CSMD1: variants seen among roughly 807,000 people sequenced by gnomAD.
CSMD1 encodes the protein CUB and sushi domain-containing protein 1.
In CSMD1, 213 loss-of-function variants were observed where a neutral mutation model predicts 417.5. The observed-to-expected ratio is 0.51, with a 90% CI of 0.46 to 0.57. The LOEUF (loss-of-function observed/expected upper bound fraction) is 0.57, where lower values mean the gene tolerates loss of function less well. CSMD1 is among the 20% of genes least tolerant of loss of function. The pLI, the probability that CSMD1 is intolerant of heterozygous loss-of-function variation, is 0.00. For missense variants in CSMD1, 6,923 were observed against 4,529.7 expected, an observed-to-expected ratio of 1.53 and a Z score of -15.17; for synonymous variants, 2,862 against 1,736.8, an observed-to-expected ratio of 1.65 and a Z score of -16.11.
intron 1 of CSMD1, among the ~76,000 whole-genome samples, chr8:4,680,900 A>T (rs749153584): frequency 6.7e-6 from 1 of 150,312 alleles, no homozygotes; most frequent in Non-Finnish European, 1.5e-5. Context: ...TTTCAATGTG[A>T]TATGATAAGC....
chr8:3,623,412 T>C (rs1796351767), intron 7 of CSMD1, among the ~76,000 whole-genome samples: 1 of 152,034 alleles, frequency 6.6e-6, no homozygotes, highest in African/African-American at 2.4e-5. Context: ...AGCAAGTGTC[T>C]GAAAAGAAGT....
At chr8:4,161,829 T>C (rs1472546347) in intron 3 of CSMD1, among the ~76,000 whole-genome samples, 1 of 152,232 alleles carries the variant, frequency 6.6e-6, no homozygotes, top group Non-Finnish European at 1.5e-5. Flanking sequence ...TGCTATATGA[T>C]ATGTCACTGC....
intron 1 of CSMD1, among the ~76,000 whole-genome samples, chr8:4,916,843 T>C (rs1806097843): frequency 6.6e-6 from 1 of 152,324 alleles, no homozygotes; most frequent in East Asian, 1.9e-4. Context: ...CCTGAGAATA[T>C]TTTACTTTTG....
chr8:4,737,843 A>G lies in CSMD1; in HGVS notation c.86-100285T>C, dbSNP rs1462114722. Among the ~76,000 whole-genome samples the G allele has an allele frequency of 1.3e-5, 2 of 152,324 alleles. 1 individual carries two copies. Among genetic ancestry groups the G allele is most frequent in the East Asian group, 3.9e-4 (2 of 5,168 alleles). On this transcript the variant is annotated intron_variant, in intron 1 of 69. Coordinates refer to ENST00000635120, the MANE Select transcript of CSMD1 (RefSeq NM_033225.6). The stretch of plus-strand genomic sequence containing the variant: ...GGCAGCATATGGTAGGAAAGGGAGG[A>G]GGAGTCAAATATTGCAACCCACAAC...
rs187208721 is a variant in CSMD1, at chr8:3,880,191, G to T, written c.818+117712C>A. 2.0e-5 allele frequency among the ~76,000 whole-genome samples: 3 copies of T among 152,116 alleles called. No individual in the cohort carries two copies. In the East Asian group the frequency reaches 5.8e-4, roughly 29 times the overall value. On this transcript the variant is annotated intron_variant, in intron 5 of 69. Coordinates refer to ENST00000635120, the MANE Select transcript of CSMD1 (RefSeq NM_033225.6). ...AATTGGATTCAAGAATAGCCAAGAG[G>T]AGCAGTTAGGGAAAATAATGCAATT...
chr8:4,771,245 C>G (rs546843949), intron 1 of CSMD1, among the ~76,000 whole-genome samples: 1 of 152,322 alleles, frequency 6.6e-6, no homozygotes, highest in South Asian at 2.1e-4. Context: ...ATGAGGAAGT[C>G]AGTCTACATT....
chr8:3,322,422 A>C (rs1806209734), intron 23 of CSMD1, among the ~76,000 whole-genome samples: 1 of 152,222 alleles, frequency 6.6e-6, no homozygotes, highest in South Asian at 2.1e-4. Flanking sequence ...CTAAGAGCAC[A>C]GATAAAGAAT....
intron 50 of CSMD1, among the ~76,000 whole-genome samples, chr8:3,038,847 AC>A: frequency 6.6e-6 from 1 of 152,234 alleles, no homozygotes; most frequent in Middle Eastern, 3.4e-3. Context: ...CGGATTTGGC[AC>A]AGTTAGTGCC....
chr8:3,157,977 G>T lies in CSMD1; in HGVS notation c.5845-11C>A, dbSNP rs376720991. The T allele has an allele frequency of 9.7e-6, 15 of 1,547,394 alleles. No individual in the cohort carries two copies. Among genetic ancestry groups the T allele is most frequent in the Non-Finnish European group, 1.3e-5 (15 of 1,143,194 alleles). On this transcript the variant is annotated splice_polypyrimidine_tract_variant and intron_variant, in intron 38 of 69. Coordinates refer to ENST00000635120, the MANE Select transcript of CSMD1 (RefSeq NM_033225.6). ...AATGTGGGAACGGCCCTGTTTAAAA[G>T]AAAACAAAAGAAAATACATATAACT...
chr8:3,247,127 GTC>G (rs1799932595), intron 26 of CSMD1, among the ~76,000 whole-genome samples: 1 of 152,274 alleles, frequency 6.6e-6, no homozygotes, highest in African/African-American at 2.4e-5. Flanking sequence ...CAGGTGTGAT[GTC>G]TCATTTGCCC....
At chr8:4,525,965 C>T (rs1304223997) in intron 2 of CSMD1, among the ~76,000 whole-genome samples, 1 of 152,074 alleles carries the variant, frequency 6.6e-6, no homozygotes, top group African/African-American at 2.4e-5. Context: ...GGGTCCTGAA[C>T]GCTGCCTTTG....
At chr8:4,399,682 A>G (rs1481792443) in intron 3 of CSMD1, among the ~76,000 whole-genome samples, 1 of 152,166 alleles carries the variant, frequency 6.6e-6, no homozygotes, top group East Asian at 1.9e-4. Flanking sequence ...TGAATTTATT[A>G]GTACAGAAAC....
rs531415681 is a variant in CSMD1, at chr8:4,205,714, G to C, written c.416-173615C>G. On this transcript the variant is annotated intron_variant, in intron 3 of 69. Transcript: ENST00000635120. ...AGTTTCTTCCTACCAAATAATAGAG[G>C]TTTATTTCAGCTCACTTCCTAGGCC... 9.5e-5 allele frequency among the ~76,000 whole-genome samples: 12 copies of C among 126,538 alleles called. 1 individual carries two copies. In the South Asian group the frequency reaches 2.8e-3, roughly 29 times the overall value. The allele number at this position is 126,538 out of a possible 152,430, so 83.0% of individuals were successfully genotyped here. A position where few individuals can be genotyped will look rare whatever the true frequency, so the allele number is the denominator to read the frequency against.
intron 44 of CSMD1, 129 bp downstream of exon 44, chr8:3,108,474 G>T: frequency 6.9e-6 from 6 of 873,444 alleles, no homozygotes; most frequent in Non-Finnish European, 1.0e-5. Flanking sequence ...CTGGCCTCCA[G>T]TGCAAAAGAA....
At chr8:4,029,010 G>A (rs561048828) in intron 4 of CSMD1, among the ~76,000 whole-genome samples, 5 of 152,222 alleles carry the variant, frequency 3.3e-5, no homozygotes, top group East Asian at 1.9e-4. Context: ...ATATGACAAC[G>A]GCACTTGGGA....
At chr8:4,661,696 T>TA (rs1285641662) in intron 1 of CSMD1, among the ~76,000 whole-genome samples, 1 of 152,154 alleles carries the variant, frequency 6.6e-6, no homozygotes, top group Non-Finnish European at 1.5e-5. Context: ...CATGGGAATG[T>TA]AAAAAAGTCC....
intron 3 of CSMD1, among the ~76,000 whole-genome samples, chr8:4,278,718 T>G (rs561979832): frequency 6.6e-6 from 1 of 152,216 alleles, no homozygotes; most frequent in Non-Finnish European, 1.5e-5. Context: ...AGCTTGTAAC[T>G]TGCTGCCACT....
At chr8:4,242,788 T>A (rs1435785500) in intron 3 of CSMD1, among the ~76,000 whole-genome samples, 4 of 152,166 alleles carry the variant, frequency 2.6e-5, no homozygotes, top group African/African-American at 9.7e-5. Flanking sequence ...ATTTATTCAT[T>A]TATAAAGTTG....
At chr8:3,929,288 G>A (rs1584983080) in intron 5 of CSMD1, among the ~76,000 whole-genome samples, 2 of 150,368 alleles carry the variant, frequency 1.3e-5, no homozygotes, top group South Asian at 2.1e-4. Context: ...CCCTCAATGA[G>A]AAACTCAATG....
Sources: allele counts gnomAD v4.1 joint callset (sites outside exome capture counted in the v4.1 genomes callset), GRCh38; gene constraint gnomAD v4.1.1; transcripts MANE v1.5; gene names NCBI Gene and HGNC (gene_info 2026-07-23, HGNC 2026-07-21).